Variants in GALNT10 observed in about 807,000 individuals in gnomAD.
The protein encoded by GALNT10 is polypeptide N-acetylgalactosaminyltransferase 10.
In GALNT10, 41 loss-of-function variants were observed where a neutral mutation model predicts 75.0. The observed-to-expected ratio is 0.55, with a 90% confidence interval of 0.43 to 0.71. The LOEUF is 0.71. GALNT10 is among the 30% of genes least tolerant of loss of function. The probability of loss-of-function intolerance (pLI) is 0.00; values close to 1 mark genes in which losing one functional copy is unlikely to be tolerated. For missense variants in GALNT10, 727 were observed against 818.5 expected (o/e 0.89, Z 1.36); for synonymous variants, 302 against 313.0 (o/e 0.96, Z 0.37).
chr5:154,380,219 T>C (rs1161520943), intron 5 of GALNT10, among the ~76,000 whole-genome samples: 2 of 151,968 alleles, frequency 1.3e-5, no homozygotes, highest in Non-Finnish European at 2.9e-5. Flanking sequence ...ACACTGGGGT[T>C]TGGAGATATT....
At chr5:154,366,371 AGG>A (rs1755474796) in intron 4 of GALNT10, among the ~76,000 whole-genome samples, 2 of 152,226 alleles carry the variant, frequency 1.3e-5, no homozygotes, top group Admixed American at 1.3e-4. Context: ...TGTTTCATAA[AGG>A]GGCATTGAGT....
rs559570717 is a variant in GALNT10, at chr5:154,401,137, G to A, written c.1057-2967G>A. Among the ~76,000 whole-genome samples the A allele has an allele frequency of 1.8e-4, 27 of 152,336 alleles. No individual in the cohort carries two copies. In the South Asian group the frequency reaches 5.6e-3, roughly 32 times the overall value. ...CTGGTCCCTCAGGAACCTTCAGGCT[G>A]ATGGCCAGCATGATTGGGGCCAAAG... On this transcript the variant is annotated intron_variant, in intron 7 of 11. Coordinates refer to ENST00000297107, the MANE Select transcript of GALNT10 (RefSeq NM_198321.4).
chr5:154,201,831 A>G (rs143362783), intron 1 of GALNT10, among the ~76,000 whole-genome samples: 602 of 152,102 alleles, frequency 4.0e-3, no homozygotes, highest in African/African-American at 0.014. Flanking sequence ...CAGCAGGCTG[A>G]GGTAGGAGAA....
intron 1 of GALNT10, among the ~76,000 whole-genome samples, chr5:154,287,929 A>AGT (rs1561650917): frequency 5.7e-5 from 8 of 141,234 alleles, no homozygotes; most frequent in Non-Finnish European, 1.1e-4. Context: ...AGAGAGAGAG[A>AGT]GTGTGCATGT....
chr5:154,294,363 G>T (rs1203287207), intron 1 of GALNT10, among the ~76,000 whole-genome samples: 1 of 152,106 alleles, frequency 6.6e-6, no homozygotes, highest in Non-Finnish European at 1.5e-5. Flanking sequence ...AAAAAAGAAT[G>T]TAAAATACCT....
At chr5:154,361,556 A>G (rs1236044828) in intron 4 of GALNT10, among the ~76,000 whole-genome samples, 1 of 152,210 alleles carries the variant, frequency 6.6e-6, no homozygotes, top group Non-Finnish European at 1.5e-5. Context: ...ATCGGCTCAT[A>G]TCATCCCTGA....
At chr5:154,381,663 A>G (rs1384223672) in intron 6 of GALNT10, among the ~76,000 whole-genome samples, 2 of 152,212 alleles carry the variant, frequency 1.3e-5, no homozygotes, top group African/African-American at 2.4e-5. Flanking sequence ...TTCCCTCTGG[A>G]TGCCTTGGGA....
chr5:154,208,634 G>T (rs950551855), intron 1 of GALNT10, among the ~76,000 whole-genome samples: 2 of 152,136 alleles, frequency 1.3e-5, no homozygotes, highest in African/African-American at 4.8e-5. Flanking sequence ...AGGATTACAG[G>T]TCTGGAATCT....
intron 3 of GALNT10, among the ~76,000 whole-genome samples, chr5:154,307,925 G>A (rs1027057665): frequency 2.0e-5 from 3 of 147,196 alleles, no homozygotes; most frequent in Admixed American, 6.8e-5. Context: ...TAACAATAAA[G>A]TATGAAAAGA....
At chr5:154,357,580 C>T (rs10053802) in intron 4 of GALNT10, among the ~76,000 whole-genome samples, 73,891 of 151,946 alleles carry the variant, frequency 0.49, 18,465 homozygotes, top group East Asian at 0.65. Context: ...CCTTATTTGG[C>T]CTTCAAAATA....
At chr5:154,258,875 T>C (rs1753655439) in intron 1 of GALNT10, among the ~76,000 whole-genome samples, 1 of 152,142 alleles carries the variant, frequency 6.6e-6, no homozygotes, top group East Asian at 1.9e-4. Context: ...TCATGAATGG[T>C]GATTAAAGTG....
At chr5:154,302,547 T>A (rs557700877) in intron 3 of GALNT10, among the ~76,000 whole-genome samples, 56 of 152,346 alleles carry the variant, frequency 3.7e-4, no homozygotes, top group African/African-American at 1.3e-3. Context: ...ACCCAACTGC[T>A]AAAGTGCCTG....
chr5:154,403,283 A>G (rs1290506395), intron 7 of GALNT10, among the ~76,000 whole-genome samples: 1 of 152,120 alleles, frequency 6.6e-6, no homozygotes, highest in African/African-American at 2.4e-5. Context: ...AGGAGGGTCT[A>G]TGTAGGCTGG....
intron 1 of GALNT10, among the ~76,000 whole-genome samples, chr5:154,253,358 C>T (rs1001715911): frequency 7.8e-6 from 1 of 127,540 alleles, no homozygotes; most frequent in African/African-American, 3.1e-5. Context: ...CACTTGGACA[C>T]AGGAAGGGGA....
intron 3 of GALNT10, among the ~76,000 whole-genome samples, chr5:154,317,870 T>G (rs1202213438): frequency 6.6e-6 from 1 of 152,208 alleles, no homozygotes; most frequent in African/African-American, 2.4e-5. Context: ...AATCTCTCTC[T>G]CCAACTCTTG....
chr5:154,401,828 C>G (rs189694671), intron 7 of GALNT10, among the ~76,000 whole-genome samples: 4 of 152,258 alleles, frequency 2.6e-5, no homozygotes, highest in African/African-American at 9.6e-5. Flanking sequence ...ATGTGAAGCC[C>G]AATCCCCACG....
intron 8 of GALNT10, among the ~76,000 whole-genome samples, chr5:154,407,211 G>A (rs1756299007): frequency 6.6e-6 from 1 of 152,146 alleles, no homozygotes; most frequent in African/African-American, 2.4e-5. Context: ...GTACAGTTGG[G>A]CCTCAGACGG....
chr5:154,313,900 C>G (rs1754561014), intron 3 of GALNT10, among the ~76,000 whole-genome samples: 1 of 152,188 alleles, frequency 6.6e-6, no homozygotes, highest in Non-Finnish European at 1.5e-5. Flanking sequence ...GTTTCTGCCT[C>G]TTATTCTGGT....
At chr5:154,258,659 A>G (rs520843) in intron 1 of GALNT10, among the ~76,000 whole-genome samples, 37,204 of 152,092 alleles carry the variant, frequency 0.24, 5,537 homozygotes, top group African/African-American at 0.42. Flanking sequence ...GTGCAGAATG[A>G]TCAGCCTGTT....
Sources: allele counts gnomAD v4.1 joint callset (sites outside exome capture counted in the v4.1 genomes callset), GRCh38; gene constraint gnomAD v4.1.1; transcripts MANE v1.5; gene names NCBI Gene and HGNC (gene_info 2026-07-23, HGNC 2026-07-21).